WSCD2: variants seen among roughly 807,000 people sequenced by gnomAD.
WSCD2 encodes the protein WSC domain sialate O sulfotransferase 2.
In WSCD2, 28 loss-of-function variants were observed where a neutral mutation model predicts 55.7. The observed-to-expected ratio is 0.50, with a 90% confidence interval of 0.37 to 0.69. WSCD2 has a LOEUF of 0.69. Ranked by LOEUF, WSCD2 falls within the 30% of genes least tolerant of loss-of-function variation. The pLI is 0.00. For synonymous variants in WSCD2, 301 were observed against 301.9 expected, an observed-to-expected ratio of 1.00 and a Z score of 0.03; for missense variants, 616 against 762.1, an observed-to-expected ratio of 0.81 and a Z score of 2.26.
intron 2 of WSCD2, among the ~76,000 whole-genome samples, chr12:108,205,649 A>C (rs1226953270): frequency 6.6e-6 from 1 of 152,242 alleles, no homozygotes; most frequent in African/African-American, 2.4e-5. Context: ...GTGAATGGCC[A>C]GTTTCTTATT....
chr12:108,148,139 G>A (rs916861793), intron 1 of WSCD2, among the ~76,000 whole-genome samples: 3 of 152,170 alleles, frequency 2.0e-5, no homozygotes, highest in Admixed American at 1.3e-4. Context: ...TTTGTGTGGC[G>A]TGGGGCCGAC....
rs983983035 is a variant in WSCD2, at chr12:108,248,334, C to A, written c.1689C>A (p.Tyr563Ter). 6.2e-7 allele frequency: 1 copy of A among 1,610,054 alleles called. No homozygotes were observed. Among genetic ancestry groups the A allele is most frequent in the South Asian group, 1.1e-5 (1 of 90,946 alleles). ...TAACGGGTGTCCCCGATGACTACTA[C>A]CCAAGATGATGCGTCCACACAGGGG... ...RNLTGVPDDY[Y>*]PR The change falls in exon 9 of 9, where the codon TAC (tyrosine) becomes TAA (stop). Residue 563 changes from tyrosine to a stop codon, truncating the protein, a stop_gained. Coordinates refer to ENST00000547525, the MANE Select transcript of WSCD2 (RefSeq NM_014653.4). LOFTEE classifies it high-confidence loss of function. The surrounding 1 kb of genome is among the most constrained non-coding windows in gnomAD (Gnocchi z 4.3).
At chr12:108,204,365 T>C (rs1314238561) in intron 2 of WSCD2, among the ~76,000 whole-genome samples, 4 of 151,916 alleles carry the variant, frequency 2.6e-5, no homozygotes, top group Non-Finnish European at 5.9e-5. Flanking sequence ...CCCTCCTTCC[T>C]TCCTTTCCTT....
At chr12:108,155,654 A>G (rs1479367163) in intron 1 of WSCD2, among the ~76,000 whole-genome samples, 1 of 152,210 alleles carries the variant, frequency 6.6e-6, no homozygotes, top group Non-Finnish European at 1.5e-5. Context: ...GGCAGTTTAC[A>G]TCACTTCTCT....
At chr12:108,245,803 A>G (rs1890044704) in intron 8 of WSCD2, among the ~76,000 whole-genome samples, 1 of 152,244 alleles carries the variant, frequency 6.6e-6, no homozygotes, top group Non-Finnish European at 1.5e-5. Context: ...AACCCATTAT[A>G]ACAGTACGGG....
At chr12:108,180,069 AAAAAG>A (rs1486505314) in intron 1 of WSCD2, among the ~76,000 whole-genome samples, 7 of 147,828 alleles carry the variant, frequency 4.7e-5, no homozygotes, top group Non-Finnish European at 9.0e-5. Flanking sequence ...AAAAAAAAAG[AAAAAG>A]AAAAGAAAAG....
chr12:108,232,679 AG>A (rs1189285440), intron 6 of WSCD2, 51 bp from the exon 7 acceptor site: 3 of 1,536,244 alleles, frequency 2.0e-6, no homozygotes, highest in Non-Finnish European at 2.6e-6. Context: ...CCTTTCAGAC[AG>A]GCTCCATCTG....
intron 1 of WSCD2, among the ~76,000 whole-genome samples, chr12:108,163,958 G>A (rs1384637978): frequency 6.6e-6 from 1 of 151,916 alleles, no homozygotes; most frequent in East Asian, 1.9e-4. Context: ...AAAAGAATAA[G>A]TGAATGCCTG....
chr12:108,210,250 C>T lies in WSCD2; in HGVS notation c.627C>T (p.Gly209=), dbSNP rs569832300. The change falls in exon 4 of 9, where the codon GGC becomes GGT. Residue 209 remains glycine (G), a synonymous_variant. Coordinates refer to ENST00000547525, the MANE Select transcript of WSCD2 (RefSeq NM_014653.4). The surrounding 1 kb of genome is among the most constrained non-coding windows in gnomAD (Gnocchi z 4.3). ...CKGERGSVCG[G]ANRLSVYRLQ... The stretch of plus-strand genomic sequence containing the variant: ...GCGAGCGAGGCAGCGTGTGCGGCGG[C>T]GCCAACCGCCTCTCTGTCTACCGGC... 22 of 1,592,040 alleles carry T rather than the reference C, an allele frequency of 1.4e-5. No homozygotes were observed. The highest frequency in any genetic ancestry group is 5.1e-5 in the Admixed American group (3 of 58,994).
At chr12:108,130,030 C>T (rs1276380008) in intron 1 of WSCD2, 104 bp downstream of exon 1, 1 of 152,308 alleles carries the variant, frequency 6.6e-6, no homozygotes, top group Non-Finnish European at 1.5e-5. Context: ...CTTCGCTTTC[C>T]AGACGCTTCC....
chr12:108,167,858 AT>A (rs1407902729), intron 1 of WSCD2, among the ~76,000 whole-genome samples: 1 of 152,158 alleles, frequency 6.6e-6, no homozygotes, highest in Admixed American at 6.5e-5. Context: ...GGCAGGACCT[AT>A]TTTTGGAGGT....
At chr12:108,164,680 G>A (rs1052039826) in intron 1 of WSCD2, among the ~76,000 whole-genome samples, 4 of 152,040 alleles carry the variant, frequency 2.6e-5, no homozygotes, top group African/African-American at 7.2e-5. Flanking sequence ...TGAATGTTTC[G>A]CTTCAGTGGA....
chr12:108,214,206 C>T (rs1466763882), intron 4 of WSCD2, among the ~76,000 whole-genome samples: 1 of 152,170 alleles, frequency 6.6e-6, no homozygotes, highest in Non-Finnish European at 1.5e-5. Flanking sequence ...TTGTGTTTTC[C>T]TAAGCAGTGG....
At chr12:108,148,182 G>A (rs1332833206) in intron 1 of WSCD2, among the ~76,000 whole-genome samples, 2 of 152,178 alleles carry the variant, frequency 1.3e-5, no homozygotes, top group Non-Finnish European at 2.9e-5. Context: ...CAGCATCCCT[G>A]GCCCCCTACC....
chr12:108,205,643 A>G (rs1274983528), intron 2 of WSCD2, among the ~76,000 whole-genome samples: 1 of 152,218 alleles, frequency 6.6e-6, no homozygotes, highest in African/African-American at 2.4e-5. Flanking sequence ...AGCACTGTGA[A>G]TGGCCAGTTT....
Position 108,244,582 on chromosome 12 carries a change from G to A in WSCD2, c.1346-3409G>A, listed in dbSNP as rs147928132. Reference sequence around the variant, plus strand: ...TCGATTTGCACAGCATCTGTAGGAGGTAGGTCTTATCCAGATCACCACTTT... The same window carrying A: ...TCGATTTGCACAGCATCTGTAGGAGATAGGTCTTATCCAGATCACCACTTT... On this transcript the variant is annotated intron_variant, in intron 8 of 8. Coordinates refer to ENST00000547525, the MANE Select transcript of WSCD2 (RefSeq NM_014653.4). 7.3e-4 allele frequency: 516 copies of A among 702,734 alleles called. 2 individuals are homozygous for A. The African/African-American group carries it at 7.6e-3, about 10-fold the overall frequency. The allele number at this position is 702,734 out of a possible 1,614,324, so 43.5% of individuals were successfully genotyped here. A position where few individuals can be genotyped will look rare whatever the true frequency, so the allele number is the denominator to read the frequency against.
chr12:108,189,427 AT>A (rs1429360151), intron 1 of WSCD2: 1 of 152,186 alleles, frequency 6.6e-6, no homozygotes, highest in Non-Finnish European at 1.5e-5. Flanking sequence ...CTGCTTCCAA[AT>A]GTTAATATTC....
At position 108,248,461 on chromosome 12, in the gene WSCD2, G is replaced by T; in HGVS notation, c.*118G>T. ...TCTTTGGTCTGGGGACAATCCCCTT[G>T]GCTGCTCTTTGCCTTCAATGAGTTT... On this transcript the variant is annotated 3_prime_UTR_variant, in exon 9 of 9. Transcript: ENST00000547525. This position sits in a 1 kb window ranked among gnomAD's most constrained non-coding sequence, Gnocchi z 4.3. The T allele has an allele frequency of 6.9e-7, 1 of 1,446,440 alleles. No individual in the cohort carries two copies. The highest frequency in any genetic ancestry group is 9.1e-7 in the Non-Finnish European group (1 of 1,101,904). The allele number at this position is 1,446,440 out of a possible 1,614,324, so 89.6% of individuals were successfully genotyped here. A position where few individuals can be genotyped will look rare whatever the true frequency, so the allele number is the denominator to read the frequency against.
chr12:108,215,365 A>G (rs1272880570), intron 4 of WSCD2, among the ~76,000 whole-genome samples: 1 of 152,200 alleles, frequency 6.6e-6, no homozygotes, highest in African/African-American at 2.4e-5. Flanking sequence ...TGCTTCGTCT[A>G]TAAAATGAAG....
Sources: allele counts gnomAD v4.1 joint callset (sites outside exome capture counted in the v4.1 genomes callset), GRCh38; gene constraint gnomAD v4.1.1; non-coding constraint Gnocchi (gnomAD v3.1); transcripts MANE v1.5; gene names NCBI Gene and HGNC (gene_info 2026-07-23, HGNC 2026-07-21).